NPEPL1: variants seen among roughly 807,000 people sequenced by gnomAD.
NPEPL1 encodes the protein probable aminopeptidase NPEPL1.
A neutral mutation model predicts 52.4 loss-of-function variants in NPEPL1; 45 were observed. The observed-to-expected ratio is 0.86, with a 90% CI of 0.68 to 1.10. The LOEUF is 1.10. Ranked by LOEUF, NPEPL1 falls within the 50% of genes least tolerant of loss-of-function variation. The pLI is 0.00. For missense variants in NPEPL1, 696 were observed against 710.9 expected (o/e 0.98, Z 0.24); for synonymous variants, 360 against 314.7 (o/e 1.14, Z -1.52).
At chr20:58,698,173 G>C (rs1273441236) in intron 3 of NPEPL1, among the ~76,000 whole-genome samples, 2 of 152,148 alleles carry the variant, frequency 1.3e-5, no homozygotes, top group Non-Finnish European at 2.9e-5. Flanking sequence ...AGGATGTAGA[G>C]TGCTTCTGCT....
intron 6 of NPEPL1, among the ~76,000 whole-genome samples, chr20:58,701,493 C>T (rs1048611116): frequency 4.0e-5 from 6 of 151,844 alleles, no homozygotes; most frequent in South Asian, 2.1e-4. Flanking sequence ...GTGCGCAGGG[C>T]GGGTTCCCAT....
upstream of NPEPL1, among the ~76,000 whole-genome samples, chr20:58,690,716 AT>A (rs1185496269): frequency 6.6e-6 from 1 of 152,218 alleles, no homozygotes; most frequent in Non-Finnish European, 1.5e-5. Flanking sequence ...GAATTGAATC[AT>A]TTTGTTCATC....
At chr20:58,695,888 G>A (rs1348739816) in intron 3 of NPEPL1, among the ~76,000 whole-genome samples, 5 of 152,088 alleles carry the variant, frequency 3.3e-5, no homozygotes, top group African/African-American at 7.2e-5. Context: ...GGGTGTTGCC[G>A]TCCCTCCTTG....
In NPEPL1 at chr20:58,701,378, G is replaced by A. The variant is rs567961361; in HGVS notation, c.822+220G>A. ...CAGGCTCTCCAGGGTGCCCTGGGGGGGGGGGAGGGGCCCAGTTTGGGTCCA... is the reference window on the plus strand; with the variant it reads ...CAGGCTCTCCAGGGTGCCCTGGGGGAGGGGGAGGGGCCCAGTTTGGGTCCA... On this transcript the variant is annotated intron_variant, in intron 6 of 11. Transcript: ENST00000356091. Among the ~76,000 whole-genome samples, 288 of 146,888 alleles carry A rather than the reference G, an allele frequency of 2.0e-3. 2 individuals carry two copies. Among genetic ancestry groups the A allele is most frequent in the East Asian group, 0.011 (51 of 4,854 alleles).
rs745393550 is a variant in NPEPL1 at position 58,715,154 on chromosome 20, C to T, written c.1414-14C>T. 1.9e-5 allele frequency: 31 copies of T among 1,595,126 alleles called. No individual in the cohort carries two copies. The South Asian group carries it at 3.5e-4, about 18-fold the overall frequency. ...CCCCACGCCCAGAGTCTGTGTCCTG[C>T]CCTTTGCTTGCAGGGTGAGCGAGCC... On this transcript the variant is annotated splice_polypyrimidine_tract_variant and intron_variant, in intron 11 of 11. Coordinates refer to ENST00000356091, the MANE Select transcript of NPEPL1 (RefSeq NM_024663.4).
At chr20:58,703,821 G>T in intron 6 of NPEPL1, 1 of 984,772 alleles carries the variant, frequency 1.0e-6, no homozygotes. Context: ...GAGGGTGGCT[G>T]GTAGAACTGC....
rs2084929780 is a variant in NPEPL1 at position 58,715,234 on chromosome 20, C to T, written c.1480C>T (p.Pro494Ser). 6.2e-7 allele frequency: 1 copy of T among 1,609,784 alleles called. No homozygotes were observed. Among genetic ancestry groups the T allele is most frequent in the African/African-American group, 1.3e-5 (1 of 74,948 alleles). Residue 494 changes from proline (P) to serine (S), a missense_variant, in exon 12 of 12, where the codon CCT (proline) becomes TCT (serine). Physicochemically the swap from Pro to Ser is moderately conservative, Grantham distance 74 (BLOSUM62 -1). Coordinates refer to ENST00000356091, the MANE Select transcript of NPEPL1 (RefSeq NM_024663.4). ...GCTCTTCGGCCGTGCCTCTGAGGACCCTCTGCTGAACCTGGTGTCCCCACT... is the reference window on the plus strand; with the variant it reads ...GCTCTTCGGCCGTGCCTCTGAGGACTCTCTGCTGAACCTGGTGTCCCCACT... ...LALFGRASED[P>S]LLNLVSPLGC...
chr20:58,714,975 C>T, intron 11 of NPEPL1, 193 bp from the exon 12 acceptor site: 2 of 681,686 alleles, frequency 2.9e-6, no homozygotes, highest in Middle Eastern at 4.1e-4. Flanking sequence ...CTGCCTACGC[C>T]TGGCCTGCCA....
chr20:58,699,981 G>C (rs894324979), intron 5 of NPEPL1, among the ~76,000 whole-genome samples: 2 of 152,352 alleles, frequency 1.3e-5, no homozygotes, highest in Admixed American at 1.3e-4. Context: ...CAGGTTGTTG[G>C]CTGGGGCTGC....
intron 3 of NPEPL1, among the ~76,000 whole-genome samples, chr20:58,697,561 T>C (rs6026449): frequency 0.68 from 103,501 of 152,212 alleles, 36,703 homozygotes; most frequent in African/African-American, 0.88. Flanking sequence ...CGGCGCCTGC[T>C]GCCCTGACAT....
rs2084904728 is a variant in NPEPL1 at position 58,713,884 on chromosome 20, G to A, written c.1126-33G>A. 7.7e-6 allele frequency: 11 copies of A among 1,435,328 alleles called. No individual in the cohort carries two copies. Among genetic ancestry groups the A allele is most frequent in the South Asian group, 1.6e-5 (1 of 64,064 alleles). 88.9% of individuals were successfully genotyped at this position (1,435,328 alleles called of 1,614,324 possible). A position where few individuals can be genotyped will look rare whatever the true frequency, so the allele number is the denominator to read the frequency against. On this transcript the variant is annotated intron_variant, in intron 9 of 11. Transcript: ENST00000356091. This position sits in a 1 kb window ranked among gnomAD's most constrained non-coding sequence, Gnocchi z 4.6. ...TTGGGTGTTTCTCTCCTGCCGTCCC[G>A]TCCACACGCTTCCCGGGTTCCTGCC...
At position 58,712,518 on chromosome 20, in the gene NPEPL1, G is replaced by T; in HGVS notation, c.940G>T (p.Glu314Ter). ...DNLHAVFCLA[E>*]NSVGPNATRP... ...CCTCCACGCTGTGTTCTGCTTGGCT[G>T]AGAACTCGGTGGGGCCCAATGCGAC... Residue 314 changes from glutamate to a stop codon, truncating the protein, a stop_gained, in exon 8 of 12, where the codon GAG becomes TAG. Transcript: ENST00000356091. LOFTEE classifies it high-confidence loss of function. The T allele has an allele frequency of 6.2e-7, 1 of 1,613,626 alleles. No individual in the cohort carries two copies.
upstream of NPEPL1, chr20:58,691,953 A>C (rs1373163681): frequency 1.4e-6 from 1 of 703,880 alleles, no homozygotes; most frequent in East Asian, 2.7e-5. Flanking sequence ...CTCAAGGCTC[A>C]CCCCTGGCTC....
intron 6 of NPEPL1, 46 bp from the exon 7 acceptor site, chr20:58,707,077 G>A: frequency 6.5e-7 from 1 of 1,536,086 alleles, no homozygotes; most frequent in Non-Finnish European, 8.8e-7. Context: ...GCCAGGCCTG[G>A]ACCTCACAGC....
chr20:58,708,722 C>T (rs955054334), intron 7 of NPEPL1, among the ~76,000 whole-genome samples: 2 of 152,172 alleles, frequency 1.3e-5, no homozygotes, highest in Non-Finnish European at 2.9e-5. Context: ...CTACCTGGCC[C>T]TCCTCCTTGC....
chr20:58,702,085 T>G (rs927570195), intron 6 of NPEPL1, among the ~76,000 whole-genome samples: 3 of 152,040 alleles, frequency 2.0e-5, no homozygotes, highest in African/African-American at 4.8e-5. Context: ...GAGCAGGGAG[T>G]GCATCCGCAG....
intron 6 of NPEPL1, chr20:58,703,317 G>T: frequency 3.7e-6 from 1 of 270,188 alleles, no homozygotes; most frequent in Non-Finnish European, 5.7e-6. Context: ...ACAGATTTTC[G>T]GAGGAGGAAT....
At chr20:58,712,615 T>A (rs1383706885) in intron 8 of NPEPL1, 36 bp downstream of exon 8, 2 of 1,474,908 alleles carry the variant, frequency 1.4e-6, no homozygotes, top group African/African-American at 2.8e-5. Context: ...CTGCCCACTG[T>A]TGGAACTCGC....
At chr20:58,695,151 G>A (rs2084452414) in intron 3 of NPEPL1, among the ~76,000 whole-genome samples, 1 of 142,172 alleles carries the variant, frequency 7.0e-6, no homozygotes, top group South Asian at 2.3e-4. Context: ...TGTGTGTGGT[G>A]TGCATGTGTG....
Sources: gnomAD v4.1 joint callset for allele counts (sites outside exome capture counted in the v4.1 genomes callset) on GRCh38, gnomAD v4.1.1 for gene constraint, Gnocchi (gnomAD v3.1) non-coding constraint, MANE v1.5 for transcripts, NCBI Gene and HGNC (gene_info 2026-07-23, HGNC 2026-07-21) for gene names.